The following SGPP1 variants were observed in gnomAD, a reference collection of about 807,000 sequenced individuals.
SGPP1 encodes the protein hSPP1.
Under a neutral mutation model 33.0 loss-of-function variants are expected in SGPP1, and 21 were observed. That is an observed-to-expected ratio of 0.64 (90% CI 0.45 to 0.92). The LOEUF is 0.92. Ranked by LOEUF, SGPP1 falls within the 40% of genes least tolerant of loss-of-function variation. The pLI is 0.00. For missense variants in SGPP1, 543 were observed against 589.4 expected, an observed-to-expected ratio of 0.92 and a Z score of 0.81; for synonymous variants, 239 against 241.2, an observed-to-expected ratio of 0.99 and a Z score of 0.08.
chr14:63,727,760 G>A lies in SGPP1; in HGVS notation c.185C>T (p.Ala62Val), dbSNP rs1215596872. 1.9e-5 allele frequency: 28 copies of A among 1,487,838 alleles called. No individual in the cohort carries two copies. The highest frequency in any genetic ancestry group is 2.4e-5 in the Non-Finnish European group (27 of 1,125,734). 92.2% of individuals were successfully genotyped at this position (1,487,838 alleles called of 1,614,324 possible). A position where few individuals can be genotyped will look rare whatever the true frequency, so the allele number is the denominator to read the frequency against. ...CCCGGGAGGCTGGGGGCCTCCAGGCGCCCCTGGCTGCCGCCCTCGCAGTCG... is the reference window on the plus strand; with the variant it reads ...CCCGGGAGGCTGGGGGCCTCCAGGCACCCCTGGCTGCCGCCCTCGCAGTCG... Reference protein sequence around the residue: ...DPRLRGRQPGAPGGPQPPGSD... With the variant: ...DPRLRGRQPGVPGGPQPPGSD... Residue 62 changes from alanine to valine, a missense_variant, in exon 1 of 3, where the codon GCG becomes GTG. By Grantham distance (64) the Ala-to-Val change is moderately conservative. Transcript: ENST00000247225.
chr14:63,715,913 G>C (rs1378021361), intron 1 of SGPP1, among the ~76,000 whole-genome samples: 2 of 152,090 alleles, frequency 1.3e-5, no homozygotes, highest in Non-Finnish European at 2.9e-5. Context: ...GAGGGAATTG[G>C]GTAGAATGGT....
intron 1 of SGPP1, among the ~76,000 whole-genome samples, chr14:63,713,465 T>A (rs745362552): frequency 6.6e-6 from 1 of 152,196 alleles, no homozygotes. Flanking sequence ...TAGCAACTAT[T>A]TAGGCTCTGT....
intron 1 of SGPP1, among the ~76,000 whole-genome samples, chr14:63,725,736 GC>G (rs1247487951): frequency 1.3e-5 from 2 of 152,024 alleles, no homozygotes; most frequent in Admixed American, 1.3e-4. Context: ...CAAATAAAGA[GC>G]AAAAATAGCT....
intron 2 of SGPP1, among the ~76,000 whole-genome samples, chr14:63,694,201 G>A (rs1316901067): frequency 1.3e-5 from 2 of 151,852 alleles, no homozygotes; most frequent in African/African-American, 2.4e-5. Context: ...TTGAGTCCAG[G>A]AGGCAAAGGT....
At chr14:63,702,418 AT>A (rs1885318029) in intron 1 of SGPP1, among the ~76,000 whole-genome samples, 1 of 151,950 alleles carries the variant, frequency 6.6e-6, no homozygotes, top group African/African-American at 2.4e-5. Flanking sequence ...GAAAAAAAAT[AT>A]TTTGGGGCCA....
chr14:63,727,229 C>A, intron 1 of SGPP1, 32 bp downstream of exon 1: 1 of 1,571,016 alleles, frequency 6.4e-7, no homozygotes, highest in South Asian at 1.2e-5. Flanking sequence ...TTTGAACTCC[C>A]CCAGGCTGAA....
intron 1 of SGPP1, among the ~76,000 whole-genome samples, chr14:63,704,348 C>T (rs1885363296): frequency 6.6e-6 from 1 of 151,960 alleles, no homozygotes; most frequent in South Asian, 2.1e-4. Context: ...AATCGTGGGC[C>T]CCAAACTAAA....
chr14:63,723,496 G>A (rs572497235), intron 1 of SGPP1, among the ~76,000 whole-genome samples: 23 of 152,204 alleles, frequency 1.5e-4, no homozygotes, highest in South Asian at 4.1e-4. Flanking sequence ...TGAGGGGAGT[G>A]GATCACGAGG....
At chr14:63,689,401 C>T (rs1307588001) in intron 2 of SGPP1, among the ~76,000 whole-genome samples, 1 of 152,150 alleles carries the variant, frequency 6.6e-6, no homozygotes, top group African/African-American at 2.4e-5. Flanking sequence ...ATCCACCTAC[C>T]TTGGCCTCCC....
At chr14:63,713,472 C>A (rs1295282608) in intron 1 of SGPP1, among the ~76,000 whole-genome samples, 2 of 152,182 alleles carry the variant, frequency 1.3e-5, no homozygotes, top group East Asian at 3.8e-4. Context: ...TATTTAGGCT[C>A]TGTGGCCTAA....
chr14:63,725,407 C>T (rs2031941), intron 1 of SGPP1, among the ~76,000 whole-genome samples: 14,349 of 152,200 alleles, frequency 0.094, 1,500 homozygotes, highest in African/African-American at 0.26. Flanking sequence ...ACCGAAAAAT[C>T]ATGCAAATTT....
intron 1 of SGPP1, among the ~76,000 whole-genome samples, chr14:63,699,989 G>A (rs1455285093): frequency 1.3e-5 from 2 of 151,524 alleles, no homozygotes; most frequent in Admixed American, 1.3e-4. Flanking sequence ...TTGAGACAGG[G>A]TCTTACTCTG....
chr14:63,686,283 A>G lies in SGPP1; in HGVS notation c.1148T>C (p.Met383Thr). ...MVFVLIIRDV[M>T]KKITIPLACK... is the part of the protein sequence containing the mutation. ...GGCTAAAGGAATGGTGATCTTTTTC[A>G]TTACATCTCTGATTATTAGTACAAA... Residue 383 changes from methionine (M) to threonine (T), a missense_variant, in exon 3 of 3, where the codon ATG (methionine) becomes ACG (threonine). Physicochemically the swap from Met to Thr is moderately conservative, Grantham distance 81 (BLOSUM62 -1). Coordinates refer to ENST00000247225, the MANE Select transcript of SGPP1 (RefSeq NM_030791.4). The G allele has an allele frequency of 1.2e-6, 2 of 1,614,154 alleles. No homozygotes were observed. The highest frequency in any genetic ancestry group is 2.2e-5 in the East Asian group (1 of 44,888).
Position 63,727,168 on chromosome 14 carries a change from G to A in SGPP1, c.684+93C>T, listed in dbSNP as rs902366098. The A allele has an allele frequency of 2.7e-6, 4 of 1,465,704 alleles. No homozygotes were observed. In the East Asian group the frequency reaches 9.5e-5, roughly 35 times the overall value. The allele number at this position is 1,465,704 out of a possible 1,614,324, so 90.8% of individuals were successfully genotyped here. A position where few individuals can be genotyped will look rare whatever the true frequency, so the allele number is the denominator to read the frequency against. ...ACCTGTGGAAAGAGAGGCTTTGGAG[G>A]GGAACGGTCGAATTAAAATAAATGC... is the stretch of plus-strand genomic sequence containing the variant. On this transcript the variant is annotated intron_variant, in intron 1 of 2. Coordinates refer to ENST00000247225, the MANE Select transcript of SGPP1 (RefSeq NM_030791.4).
In SGPP1 at chr14:63,728,011, G is replaced by C. The variant is rs1431301955; in HGVS notation, c.-67C>G. ...GCCCCGAACTGTCCCCGCGCTCCTG[G>C]CCAGCGGCAGCGGAACCGGCACAGC... On this transcript the variant is annotated 5_prime_UTR_variant, in exon 1 of 3. Transcript: ENST00000247225. The C allele has an allele frequency of 1.4e-6, 2 of 1,430,740 alleles. No homozygotes were observed. The highest frequency in any genetic ancestry group is 1.4e-5 in the South Asian group (1 of 72,634). The allele number at this position is 1,430,740 out of a possible 1,614,324, so 88.6% of individuals were successfully genotyped here.
chr14:63,690,390 G>C (rs1885068159), intron 2 of SGPP1, among the ~76,000 whole-genome samples: 1 of 152,154 alleles, frequency 6.6e-6, no homozygotes, highest in East Asian at 1.9e-4. Flanking sequence ...GAAATGACAG[G>C]GTCCGCAGTT....
intron 2 of SGPP1, among the ~76,000 whole-genome samples, chr14:63,695,766 C>T (rs1885175051): frequency 6.6e-6 from 1 of 152,062 alleles, no homozygotes; most frequent in South Asian, 2.1e-4. Context: ...TAAAAATTAG[C>T]TGGGCATTAT....
At chr14:63,713,876 T>C (rs755318390) in intron 1 of SGPP1, among the ~76,000 whole-genome samples, 4 of 152,186 alleles carry the variant, frequency 2.6e-5, no homozygotes, top group Non-Finnish European at 4.4e-5. Context: ...TCTGTGAGCA[T>C]GTTTCCAGAG....
intron 1 of SGPP1, among the ~76,000 whole-genome samples, chr14:63,727,000 C>G (rs1423935152): frequency 1.3e-5 from 2 of 152,176 alleles, no homozygotes; most frequent in African/African-American, 4.8e-5. Context: ...ATGTATTACT[C>G]TAGGAAAAGT....
Sources: allele counts gnomAD v4.1 joint callset (sites outside exome capture counted in the v4.1 genomes callset), GRCh38; gene constraint gnomAD v4.1.1; transcripts MANE v1.5; gene names NCBI Gene and HGNC (gene_info 2026-07-23, HGNC 2026-07-21).